DNER: variants seen among roughly 807,000 people sequenced by gnomAD.
The protein encoded by DNER is delta/notch like EGF repeat containing.
DNER carries 33 observed loss-of-function variants against 78.2 expected under a neutral mutation model. The observed-to-expected ratio is 0.42, with a 90% CI of 0.32 to 0.56. DNER has a LOEUF of 0.56. Ranked by LOEUF, DNER falls within the 20% of genes least tolerant of loss-of-function variation. DNER has a pLI of 0.11. For missense variants in DNER, 918 were observed against 975.3 expected (o/e 0.94, Z 0.78); for synonymous variants, 417 against 384.8 (o/e 1.08, Z -0.98).
intron 6 of DNER, among the ~76,000 whole-genome samples, chr2:229,485,695 T>G (rs1443675800): frequency 6.6e-6 from 1 of 152,126 alleles, no homozygotes; most frequent in Non-Finnish European, 1.5e-5. Flanking sequence ...GTTAGCTAAA[T>G]GAGTCAGATT....
intron 1 of DNER, among the ~76,000 whole-genome samples, chr2:229,678,351 G>A (rs941355297): frequency 1.3e-5 from 2 of 152,184 alleles, no homozygotes; most frequent in Non-Finnish European, 2.9e-5. Context: ...ACATGCCAGG[G>A]TTGCCAGAGA....
intron 1 of DNER, among the ~76,000 whole-genome samples, chr2:229,614,734 T>C (rs1037293243): frequency 6.6e-6 from 1 of 152,206 alleles, no homozygotes; most frequent in Non-Finnish European, 1.5e-5. Context: ...GGACAGTGAC[T>C]CTGAATTGCA....
chr2:229,521,247 T>C (rs1388902544), intron 5 of DNER, among the ~76,000 whole-genome samples: 3 of 152,180 alleles, frequency 2.0e-5, no homozygotes, highest in Non-Finnish European at 4.4e-5. Context: ...CTGCAGCCAC[T>C]TTTACCGACA....
At chr2:229,522,420 T>C (rs1383702532) in intron 5 of DNER, among the ~76,000 whole-genome samples, 1 of 152,216 alleles carries the variant, frequency 6.6e-6, no homozygotes, top group Non-Finnish European at 1.5e-5. Context: ...GTGTATTTAT[T>C]TGCCGCAACG....
At position 229,575,807 on chromosome 2, in the gene DNER, GA is replaced by G. The variant is rs577386353; in HGVS notation, c.847+10050del. Among the ~76,000 whole-genome samples the G allele has an allele frequency of 1.3e-4, 20 of 152,276 alleles. No individual in the cohort carries two copies. In the South Asian group the frequency reaches 4.1e-3, roughly 32 times the overall value. ...ACAATATTTAGGATTAGGGCATATA[GA>G]AATAGGGCATGGAGTTCAGGCCAAC... On this transcript the variant is annotated intron_variant, in intron 4 of 12. Transcript: ENST00000341772.
intron 7 of DNER, among the ~76,000 whole-genome samples, chr2:229,460,049 C>T (rs561310917): frequency 4.8e-5 from 7 of 146,192 alleles, no homozygotes; most frequent in South Asian, 2.2e-4. Flanking sequence ...CCCAACTACT[C>T]GGGAGACTGA....
Position 229,447,491 on chromosome 2 carries a change from A to G in DNER, c.1311T>C (p.Ser437=). 1 of 1,614,182 alleles carries G rather than the reference A, an allele frequency of 6.2e-7. No homozygotes were observed. Among genetic ancestry groups the G allele is most frequent in the Non-Finnish European group, 8.5e-7 (1 of 1,180,020 alleles). The change falls in exon 8 of 13, where the codon TCT becomes TCC. Residue 437 remains serine, a synonymous_variant. Coordinates refer to ENST00000341772, the MANE Select transcript of DNER (RefSeq NM_139072.4). ...CEEKVDPCAS[S]PCQNNGTCYV... ...AGCAGGTGCCGTTGTTCTGGCACGG[A>G]GACGAGGCGCAGGGGTCCACCTTTT...
chr2:229,454,324 T>C (rs375890298), intron 7 of DNER, among the ~76,000 whole-genome samples: 5 of 152,208 alleles, frequency 3.3e-5, no homozygotes, highest in East Asian at 3.8e-4. Flanking sequence ...AGGGAGATTT[T>C]TGTTTTGCTT....
At position 229,586,059 on chromosome 2, in the gene DNER, T is replaced by C. The variant is rs1330099204; in HGVS notation, c.681-35A>G. ...GGAATGATGTAAACAGAAAGCTCCT[T>C]TCAGAAAAATTCATCTTAGAACCAG... On this transcript the variant is annotated intron_variant, in intron 3 of 12. Transcript: ENST00000341772. 9 of 1,565,840 alleles carry C rather than the reference T, an allele frequency of 5.7e-6. No individual in the cohort carries two copies. The African/African-American group carries it at 8.3e-5, about 14-fold the overall frequency.
At chr2:229,535,514 A>G (rs1007225957) in intron 5 of DNER, among the ~76,000 whole-genome samples, 2 of 152,230 alleles carry the variant, frequency 1.3e-5, no homozygotes, top group African/African-American at 4.8e-5. Flanking sequence ...GCCAATGCCC[A>G]GAGTCCACTG....
intron 7 of DNER, among the ~76,000 whole-genome samples, chr2:229,476,338 C>T (rs1310640831): frequency 6.6e-6 from 1 of 152,158 alleles, no homozygotes; most frequent in African/African-American, 2.4e-5. Context: ...CCAACACCCT[C>T]CTGGACCACC....
At chr2:229,477,361 G>C (rs1247438230) in intron 6 of DNER, 108 bp from the exon 7 acceptor site, 2 of 629,848 alleles carry the variant, frequency 3.2e-6, no homozygotes, top group Non-Finnish European at 5.4e-6. Context: ...GAAGGCAGTG[G>C]CAGCCTTCAG....
intron 5 of DNER, among the ~76,000 whole-genome samples, chr2:229,545,146 A>T (rs1413207283): frequency 1.3e-5 from 2 of 152,310 alleles, no homozygotes; most frequent in East Asian, 3.9e-4. Context: ...AATAAAGAAA[A>T]GGTGCTGGAG....
intron 3 of DNER, chr2:229,586,708 C>T (rs1697509550): frequency 2.0e-6 from 2 of 985,314 alleles, no homozygotes; most frequent in African/African-American, 3.5e-5. Context: ...CAAGCTTTGT[C>T]TCCTTCTCCA....
chr2:229,366,420 A>G lies in DNER; in HGVS notation c.2102+453T>C, dbSNP rs1402919675. Among the ~76,000 whole-genome samples the G allele has an allele frequency of 2.6e-5, 4 of 152,218 alleles. No individual in the cohort carries two copies. The East Asian group carries it at 5.8e-4, about 22-fold the overall frequency. On this transcript the variant is annotated intron_variant, in intron 12 of 12. Transcript: ENST00000341772. Reference sequence around the variant, plus strand: ...TGTCCCTCTGGAGTCCTTCTTCCAGAAAAGGATACTGATTTATAAATATTC... The same window carrying G: ...TGTCCCTCTGGAGTCCTTCTTCCAGGAAAGGATACTGATTTATAAATATTC...
intron 6 of DNER, among the ~76,000 whole-genome samples, chr2:229,512,216 C>T (rs1695877046): frequency 6.6e-6 from 1 of 152,010 alleles, no homozygotes; most frequent in Non-Finnish European, 1.5e-5. Context: ...AACCCCATCT[C>T]TACTAAAAAC....
chr2:229,687,422 C>A (rs184418667), intron 1 of DNER, among the ~76,000 whole-genome samples: 3 of 152,060 alleles, frequency 2.0e-5, no homozygotes, highest in Non-Finnish European at 2.9e-5. Context: ...TACCACCACA[C>A]CCAGCTAATT....
chr2:229,693,190 C>T (rs1052836395), intron 1 of DNER, among the ~76,000 whole-genome samples: 9 of 151,774 alleles, frequency 5.9e-5, no homozygotes, highest in African/African-American at 9.7e-5. Flanking sequence ...TGGTTTTATA[C>T]GGGACTTTTC....
At chr2:229,395,827 G>C (rs1693125429) in intron 10 of DNER, among the ~76,000 whole-genome samples, 1 of 152,168 alleles carries the variant, frequency 6.6e-6, no homozygotes, top group African/African-American at 2.4e-5. Context: ...GAACCGGAGA[G>C]GCGGAGGTTG....
Sources: allele counts gnomAD v4.1 joint callset (sites outside exome capture counted in the v4.1 genomes callset), GRCh38; gene constraint gnomAD v4.1.1; transcripts MANE v1.5; gene names NCBI Gene and HGNC (gene_info 2026-07-23, HGNC 2026-07-21).